The following LIPC variants were observed in gnomAD, a reference collection of about 807,000 sequenced individuals.
The protein encoded by LIPC is lipase C, hepatic type, also known as hepatic triacylglycerol lipase.
A neutral mutation model predicts 50.7 loss-of-function variants in LIPC; 44 were observed. That is an observed-to-expected ratio of 0.87 (90% CI 0.68 to 1.11). The LOEUF is 1.11. Ranked by LOEUF, LIPC falls within the 50% of genes most tolerant of loss-of-function variation. The pLI is 0.00. For missense variants in LIPC, 697 were observed against 648.2 expected (o/e 1.08, Z -0.82); for synonymous variants, 271 against 256.4 (o/e 1.06, Z -0.54).
intron 1 of LIPC, among the ~76,000 whole-genome samples, chr15:58,446,833 C>G (rs530772328): frequency 6.6e-6 from 1 of 152,252 alleles, no homozygotes; most frequent in East Asian, 1.9e-4. Context: ...GAGGGCTAAG[C>G]AACACACACC....
intron 6 of LIPC, among the ~76,000 whole-genome samples, chr15:58,551,537 G>A (rs964276101): frequency 2.6e-5 from 4 of 152,118 alleles, no homozygotes; most frequent in African/African-American, 4.8e-5. Flanking sequence ...CCATCGCCGC[G>A]GAGAGTTCTA....
intron 1 of LIPC, among the ~76,000 whole-genome samples, chr15:58,441,037 G>C (rs1049365774): frequency 7.9e-5 from 12 of 152,188 alleles, no homozygotes; most frequent in African/African-American, 2.9e-4. Flanking sequence ...GCCTTTCCCA[G>C]ATGGATTGAT....
intron 1 of LIPC, among the ~76,000 whole-genome samples, chr15:58,440,654 T>C (rs1206745813): frequency 6.6e-6 from 1 of 152,170 alleles, no homozygotes; most frequent in African/African-American, 2.4e-5. Flanking sequence ...GAGAGGCGCA[T>C]AATTTCAACA....
intron 6 of LIPC, among the ~76,000 whole-genome samples, chr15:58,550,713 G>C (rs1051283288): frequency 4.6e-5 from 7 of 152,042 alleles, no homozygotes; most frequent in Admixed American, 1.3e-4. Flanking sequence ...TAGTGAGGAG[G>C]AGGTTAAGGG....
intron 1 of LIPC, among the ~76,000 whole-genome samples, chr15:58,439,961 T>G (rs145530763): frequency 2.0e-4 from 30 of 152,212 alleles, no homozygotes; most frequent in African/African-American, 7.0e-4. Context: ...AACACGAGGC[T>G]ACAGGGCAAA....
chr15:58,492,248 A>G (rs1891612508), intron 1 of LIPC, among the ~76,000 whole-genome samples: 1 of 152,322 alleles, frequency 6.6e-6, no homozygotes, highest in South Asian at 2.1e-4. Flanking sequence ...AGGAAAGGTC[A>G]GGCAAGTGGA....
chr15:58,487,340 C>G (rs118069690), intron 1 of LIPC, among the ~76,000 whole-genome samples: 3 of 152,136 alleles, frequency 2.0e-5, no homozygotes, highest in African/African-American at 2.4e-5. Flanking sequence ...GAGGATTAAA[C>G]GAAGGGAAGG....
intron 8 of LIPC, 41 bp from the exon 9 acceptor site, chr15:58,568,675 C>G (rs761851734): frequency 8.5e-7 from 1 of 1,183,164 alleles, no homozygotes. Context: ...TAAGCTCCAC[C>G]TAAAACTTAA....
intron 1 of LIPC, chr15:58,436,756 G>A: frequency 2.2e-6 from 1 of 456,280 alleles, no homozygotes; most frequent in Non-Finnish European, 4.4e-6. Flanking sequence ...CCAAGTGGAG[G>A]GAAGAAGGCT....
At position 58,538,442 on chromosome 15, in the gene LIPC, C is replaced by G. The variant is rs1351671396; in HGVS notation, c.198C>G (p.Ile66Met). The G allele has an allele frequency of 1.2e-6, 2 of 1,614,094 alleles. No homozygotes were observed. The highest frequency in any genetic ancestry group is 2.7e-5 in the African/African-American group (2 of 74,936). ...CCAATCAGGGCTGTCAGATTCGAAT[C>G]AATCATCCGGACACGTTACAGGAGT... ...GETNQGCQIR[I>M]NHPDTLQECG... The change falls in exon 2 of 9, where the codon ATC (isoleucine) becomes ATG (methionine). Residue 66 changes from isoleucine (I) to methionine (M), a missense_variant. Transcript: ENST00000299022.
intron 1 of LIPC, among the ~76,000 whole-genome samples, chr15:58,456,533 C>T (rs374595472): frequency 3.3e-5 from 5 of 152,348 alleles, no homozygotes; most frequent in African/African-American, 1.2e-4. Flanking sequence ...AGCCCAGAGG[C>T]CCCTGGAGGG....
intron 1 of LIPC, among the ~76,000 whole-genome samples, chr15:58,462,979 C>A (rs1412987981): frequency 6.6e-6 from 1 of 152,256 alleles, no homozygotes; most frequent in Non-Finnish European, 1.5e-5. Flanking sequence ...CAGAACACTG[C>A]AGACTCATCC....
chr15:58,502,463 G>A (rs573851446), intron 1 of LIPC, among the ~76,000 whole-genome samples: 25 of 151,084 alleles, frequency 1.7e-4, no homozygotes, highest in African/African-American at 4.9e-4. Context: ...AGCTCCTACC[G>A]TTGGGTTGGT....
intron 1 of LIPC, among the ~76,000 whole-genome samples, chr15:58,501,622 G>C (rs1158966570): frequency 2.0e-5 from 3 of 152,062 alleles, no homozygotes; most frequent in Non-Finnish European, 2.9e-5. Context: ...ACATCTGATT[G>C]GGCCTAATCA....
At chr15:58,455,256 G>A (rs1042788499) in intron 1 of LIPC, among the ~76,000 whole-genome samples, 1 of 152,160 alleles carries the variant, frequency 6.6e-6, no homozygotes, top group Admixed American at 6.5e-5. Context: ...CCTTTTGTAG[G>A]CCATAGGTGT....
intron 1 of LIPC, among the ~76,000 whole-genome samples, chr15:58,500,574 T>G (rs531799254): frequency 1.1e-4 from 17 of 152,180 alleles, no homozygotes; most frequent in African/African-American, 2.2e-4. Flanking sequence ...TGTACAATAT[T>G]TACTCCTGTT....
intron 1 of LIPC, chr15:58,522,415 G>A (rs1892684718): frequency 6.6e-6 from 1 of 152,508 alleles, no homozygotes; most frequent in African/African-American, 2.4e-5. Flanking sequence ...CGGGGTAGAT[G>A]TTGAATTCTA....
intron 1 of LIPC, chr15:58,494,995 C>T (rs570298820): frequency 2.0e-5 from 8 of 408,668 alleles, no homozygotes; most frequent in Non-Finnish European, 2.9e-5. Flanking sequence ...ACCGTTCCAC[C>T]GGTCCTTCCC....
intron 4 of LIPC, among the ~76,000 whole-genome samples, chr15:58,544,585 G>A (rs1893459254): frequency 8.6e-5 from 13 of 151,856 alleles, no homozygotes; most frequent in Admixed American, 5.2e-4. Flanking sequence ...TAGTAGAAAC[G>A]GGGTTTTGTC....
Sources: allele counts gnomAD v4.1 joint callset (sites outside exome capture counted in the v4.1 genomes callset), GRCh38; gene constraint gnomAD v4.1.1; transcripts MANE v1.5; gene names NCBI Gene and HGNC (gene_info 2026-07-23, HGNC 2026-07-21).